Variants in XDH observed in about 807,000 individuals in gnomAD.
XDH encodes the protein xanthine dehydrogenase/oxidase.
A neutral mutation model predicts 156.1 loss-of-function variants in XDH; 138 were observed. That is an observed-to-expected ratio of 0.88 (90% CI 0.77 to 1.02). The LOEUF (loss-of-function observed/expected upper bound fraction) is 1.02, where lower values mean the gene tolerates loss of function less well. Ranked by LOEUF, XDH falls within the 50% of genes least tolerant of loss-of-function variation. XDH has a pLI of 0.00. For missense variants in XDH, 1,849 were observed against 1,684.9 expected (o/e 1.10, Z -1.71); for synonymous variants, 669 against 625.7 (o/e 1.07, Z -1.03).
At chr2:31,385,550 G>C (rs545605559) in intron 9 of XDH, among the ~76,000 whole-genome samples, 1 of 152,316 alleles carries the variant, frequency 6.6e-6, no homozygotes, top group African/African-American at 2.4e-5. Context: ...CTCCACAGCA[G>C]AGGTCCTCAG....
chr2:31,379,759 G>A (rs747005476), intron 13 of XDH, 108 bp downstream of exon 13: 14 of 1,071,984 alleles, frequency 1.3e-5, no homozygotes, highest in Non-Finnish European at 2.0e-5. Flanking sequence ...CAATGTAAAG[G>A]TTGAGAGATG....
chr2:31,350,510 G>A (rs971476365), intron 24 of XDH, among the ~76,000 whole-genome samples: 1 of 151,684 alleles, frequency 6.6e-6, no homozygotes, highest in Non-Finnish European at 1.5e-5. Flanking sequence ...CTGAGTAGCT[G>A]GGATTACAGG....
intron 7 of XDH, 117 bp downstream of exon 7, chr2:31,388,110 C>CCGACT (rs1306243467): frequency 2.4e-6 from 3 of 1,228,686 alleles, no homozygotes; most frequent in Non-Finnish European, 3.6e-6. Flanking sequence ...TCTGCCATCA[C>CCGACT]CGACTCACCG....
At chr2:31,393,800 C>CTTTTTTTTTTTT (rs34575198) in intron 6 of XDH, among the ~76,000 whole-genome samples, 1 of 140,454 alleles carries the variant, frequency 7.1e-6, no homozygotes, top group Admixed American at 7.1e-5. Context: ...TTCCTTTTTT[C>CTTTTTTTTTTTT]TTTTTTTTTT....
At chr2:31,364,792 G>C (rs866844529) in intron 23 of XDH, among the ~76,000 whole-genome samples, 2 of 152,212 alleles carry the variant, frequency 1.3e-5, no homozygotes, top group South Asian at 4.1e-4. Flanking sequence ...TTGGGGCTAA[G>C]AGAAATATAA....
At chr2:31,383,301 T>A in intron 10 of XDH, 149 bp from the exon 11 acceptor site, 1 of 1,272,632 alleles carries the variant, frequency 7.9e-7, no homozygotes, top group Non-Finnish European at 1.1e-6. Context: ...GGGCCCAGAG[T>A]GGTTGAGTGA....
rs1229458933 is a variant in XDH at position 31,337,791 on chromosome 2, C to T, written c.3801G>A (p.Leu1267=). ...SKAVGEPPLF[L]AASIFFAIKD... is the part of the protein sequence containing the mutation. ...TGATGGCAAAGAAGATAGAAGCAGC[C>T]AGGAAGAGGGGCGGCTCTCCAACAG... The change falls in exon 35 of 36, where the codon CTG becomes CTA. Residue 1267 remains leucine (L), a synonymous_variant. Coordinates refer to ENST00000379416, the MANE Select transcript of XDH (RefSeq NM_000379.4). The T allele has an allele frequency of 2.5e-6, 4 of 1,614,130 alleles. No individual in the cohort carries two copies. In the Admixed American group the frequency reaches 5.0e-5, roughly 20 times the overall value.
At chr2:31,406,074 G>C in intron 1 of XDH, 110 bp from the exon 2 acceptor site, 1 of 1,249,138 alleles carries the variant, frequency 8.0e-7, no homozygotes, top group Non-Finnish European at 1.2e-6. Flanking sequence ...TTAGTAGGAA[G>C]TGTGATATAG....
intron 28 of XDH, 48 bp from the exon 29 acceptor site, chr2:31,347,698 G>C: frequency 6.3e-7 from 1 of 1,596,118 alleles, no homozygotes. Flanking sequence ...TTATCATGGG[G>C]CTTGGCTGCC....
intron 17 of XDH, among the ~76,000 whole-genome samples, chr2:31,370,737 T>C (rs1686049283): frequency 6.6e-6 from 1 of 152,354 alleles, no homozygotes; most frequent in Admixed American, 6.5e-5. Context: ...CAGTGGCTCA[T>C]GCCTATAATC....
intron 13 of XDH, among the ~76,000 whole-genome samples, chr2:31,378,173 AG>A (rs1686325179): frequency 2.8e-5 from 2 of 71,700 alleles, no homozygotes; most frequent in Admixed American, 1.4e-4. Flanking sequence ...GAAGGAAGGA[AG>A]GAAGCAAGCA....
chr2:31,341,768 A>T (rs1208771617), intron 32 of XDH, among the ~76,000 whole-genome samples: 1 of 152,234 alleles, frequency 6.6e-6, no homozygotes, highest in Non-Finnish European at 1.5e-5. Context: ...GCTAAATCCA[A>T]CTTGCCCCTG....
intron 6 of XDH, among the ~76,000 whole-genome samples, chr2:31,389,065 G>T (rs1572557184): frequency 6.6e-6 from 1 of 152,232 alleles, no homozygotes; most frequent in Non-Finnish European, 1.5e-5. Flanking sequence ...TCAGAAGACA[G>T]AGTCCTGGAG....
chr2:31,341,540 G>A (rs1685126477), intron 32 of XDH, 146 bp from the exon 33 acceptor site: 4 of 863,342 alleles, frequency 4.6e-6, no homozygotes, highest in Non-Finnish European at 7.6e-6. Context: ...TCAGGCAGAA[G>A]TGTTGATGTT....
At chr2:31,340,365 T>G (rs745862866) in intron 33 of XDH, among the ~76,000 whole-genome samples, 6 of 152,250 alleles carry the variant, frequency 3.9e-5, no homozygotes, top group Non-Finnish European at 5.9e-5. Context: ...GTATACTCAG[T>G]AGTTGTCCAT....
chr2:31,395,533 C>CCAGTGCA (rs1686879464), intron 6 of XDH, among the ~76,000 whole-genome samples: 2 of 152,198 alleles, frequency 1.3e-5, no homozygotes, highest in African/African-American at 4.8e-5. Flanking sequence ...GGAGATTTTT[C>CCAGTGCA]TCCAACATTT....
chr2:31,358,537 G>A (rs1296646872), intron 24 of XDH, among the ~76,000 whole-genome samples: 1 of 151,970 alleles, frequency 6.6e-6, no homozygotes, highest in Non-Finnish European at 1.5e-5. Flanking sequence ...AATAAAATTT[G>A]GCAATATATT....
At chr2:31,364,515 T>C (rs915317071) in intron 23 of XDH, among the ~76,000 whole-genome samples, 1 of 151,774 alleles carries the variant, frequency 6.6e-6, no homozygotes, top group Non-Finnish European at 1.5e-5. Context: ...GGCACCTGGC[T>C]TCTGGTCTCG....
intron 1 of XDH, among the ~76,000 whole-genome samples, chr2:31,414,224 C>T (rs1687416307): frequency 6.6e-6 from 1 of 152,072 alleles, no homozygotes; most frequent in Admixed American, 6.5e-5. Context: ...TTCCTTCTCT[C>T]TGTAAAGAGA....
Sources: allele counts gnomAD v4.1 joint callset (sites outside exome capture counted in the v4.1 genomes callset), GRCh38; gene constraint gnomAD v4.1.1; transcripts MANE v1.5; gene names NCBI Gene and HGNC (gene_info 2026-07-23, HGNC 2026-07-21).